The following SND1 variants were observed in gnomAD, a reference collection of about 807,000 sequenced individuals.
SND1 encodes staphylococcal nuclease domain-containing protein 1.
Under a neutral mutation model 121.7 loss-of-function variants are expected in SND1, and 38 were observed. The ratio of observed to expected loss-of-function variants is 0.31; its 90% confidence interval spans 0.24 to 0.41. The LOEUF is 0.41. SND1 is among the 10% of genes least tolerant of loss of function. The pLI is 1.00. For missense variants in SND1, 868 were observed against 1,184.6 expected, an observed-to-expected ratio of 0.73 and a Z score of 3.92; for synonymous variants, 401 against 447.4, an observed-to-expected ratio of 0.90 and a Z score of 1.31.
At chr7:127,656,763 G>A (rs1390880347) in intron 1 of SND1, among the ~76,000 whole-genome samples, 3 of 152,084 alleles carry the variant, frequency 2.0e-5, no homozygotes, top group Admixed American at 2.0e-4. Context: ...ATTGGGGGTG[G>A]GTTCCCCCAA....
chr7:127,681,562 G>A (rs1795728390), intron 1 of SND1, among the ~76,000 whole-genome samples: 1 of 152,126 alleles, frequency 6.6e-6, no homozygotes, highest in South Asian at 2.1e-4. Context: ...ATCACCTAAT[G>A]CAAGGCCATG....
At chr7:127,989,278 C>T (rs1160641692) in intron 15 of SND1, among the ~76,000 whole-genome samples, 6 of 152,222 alleles carry the variant, frequency 3.9e-5, no homozygotes, top group Non-Finnish European at 5.9e-5. Flanking sequence ...CTTGCTGTCA[C>T]CTCAAGCTGC....
At chr7:128,007,803 C>G (rs1167404759) in intron 16 of SND1, among the ~76,000 whole-genome samples, 2 of 152,110 alleles carry the variant, frequency 1.3e-5, no homozygotes, top group Non-Finnish European at 2.9e-5. Flanking sequence ...TGAGTATGAC[C>G]CATTCAGTTT....
At chr7:127,844,251 G>A in intron 11 of SND1, 73 bp from the exon 12 acceptor site, 1 of 1,142,748 alleles carries the variant, frequency 8.8e-7, no homozygotes, top group Non-Finnish European at 1.3e-6. Flanking sequence ...TCACAGTTGA[G>A]CAGGCACATG....
chr7:127,671,045 A>G (rs964668965), intron 1 of SND1, among the ~76,000 whole-genome samples: 19 of 152,220 alleles, frequency 1.2e-4, no homozygotes, highest in Admixed American at 7.8e-4. Flanking sequence ...TCCATGCAAC[A>G]TAATAATAGT....
At chr7:127,781,090 GA>G (rs1797711989) in intron 10 of SND1, among the ~76,000 whole-genome samples, 1 of 152,180 alleles carries the variant, frequency 6.6e-6, no homozygotes, top group Admixed American at 6.5e-5. Flanking sequence ...TCAATGTGAA[GA>G]AAATAACTTT....
intron 15 of SND1, among the ~76,000 whole-genome samples, chr7:127,959,731 C>G (rs1801683440): frequency 6.6e-6 from 1 of 152,172 alleles, no homozygotes; most frequent in African/African-American, 2.4e-5. Context: ...TTGTCTGTCT[C>G]TCTCCACCAG....
intron 12 of SND1, among the ~76,000 whole-genome samples, chr7:127,852,722 A>AATC (rs1799192842): frequency 6.6e-6 from 1 of 151,912 alleles, no homozygotes; most frequent in Admixed American, 6.5e-5. Flanking sequence ...GAGGTGGTAT[A>AATC]ATCACTCAAA....
In SND1 at chr7:128,012,084, T is replaced by TA. The variant is rs2116949504; in HGVS notation, c.1779+21029dup. On this transcript the variant is annotated intron_variant, in intron 16 of 23. Coordinates refer to ENST00000354725, the MANE Select transcript of SND1 (RefSeq NM_014390.4). The stretch of plus-strand genomic sequence containing the variant: ...AGAACTAAGATTGAGAACCACTAGT[T>TA]AGTTTAGGGGATTAAATTTGGATCA... Among the ~76,000 whole-genome samples, 2 of 152,330 alleles carry TA rather than the reference T, an allele frequency of 1.3e-5. 1 individual carries two copies. Among genetic ancestry groups the TA allele is most frequent in the South Asian group, 4.1e-4 (2 of 4,828 alleles).
At chr7:127,910,184 A>C (rs1489372290) in intron 14 of SND1, among the ~76,000 whole-genome samples, 3 of 152,218 alleles carry the variant, frequency 2.0e-5, no homozygotes, top group African/African-American at 7.2e-5. Flanking sequence ...TCACGCCTGT[A>C]ATCCCAGCAC....
chr7:127,717,625 C>A (rs1474704175), intron 9 of SND1, among the ~76,000 whole-genome samples: 7 of 152,154 alleles, frequency 4.6e-5, no homozygotes, highest in Non-Finnish European at 1.0e-4. Flanking sequence ...GTGGGAAAAA[C>A]AGCCAGATGT....
chr7:127,923,255 C>A (rs557132911), intron 14 of SND1, among the ~76,000 whole-genome samples: 2 of 152,222 alleles, frequency 1.3e-5, no homozygotes, highest in Non-Finnish European at 2.9e-5. Context: ...CATGCGCCAC[C>A]CTGCCCAATT....
intron 16 of SND1, among the ~76,000 whole-genome samples, chr7:128,036,912 G>C (rs1241009905): frequency 6.6e-6 from 1 of 152,190 alleles, no homozygotes; most frequent in Non-Finnish European, 1.5e-5. Context: ...AGTAATAATG[G>C]TTTTAATAGC....
At chr7:127,960,411 A>T (rs1584696807) in intron 15 of SND1, among the ~76,000 whole-genome samples, 1 of 152,208 alleles carries the variant, frequency 6.6e-6, no homozygotes, top group Admixed American at 6.5e-5. Flanking sequence ...AAACGTACAC[A>T]TTAGAAAACA....
chr7:127,936,734 C>G (rs1048826021), intron 15 of SND1, among the ~76,000 whole-genome samples: 2 of 151,970 alleles, frequency 1.3e-5, no homozygotes, highest in Admixed American at 1.3e-4. Context: ...TTTGTAGAGA[C>G]AGGGTCTCAA....
chr7:128,005,211 G>A (rs909919399), intron 16 of SND1, among the ~76,000 whole-genome samples: 4 of 152,202 alleles, frequency 2.6e-5, no homozygotes, highest in African/African-American at 9.7e-5. Flanking sequence ...TGTATCAAGC[G>A]AAGTAGCCCT....
intron 12 of SND1, among the ~76,000 whole-genome samples, chr7:127,852,454 C>T (rs867624333): frequency 7.4e-5 from 11 of 147,826 alleles, no homozygotes; most frequent in South Asian, 2.1e-4. Flanking sequence ...CACCACTGTA[C>T]TCCATCCAGC....
At chr7:128,001,042 CG>C (rs1418889191) in intron 16 of SND1, among the ~76,000 whole-genome samples, 1 of 152,176 alleles carries the variant, frequency 6.6e-6, no homozygotes, top group African/African-American at 2.4e-5. Context: ...AGAGAACCTC[CG>C]TGTTCCAAAC....
At chr7:127,926,090 A>G (rs1484740873) in intron 14 of SND1, among the ~76,000 whole-genome samples, 1 of 152,150 alleles carries the variant, frequency 6.6e-6, no homozygotes, top group Non-Finnish European at 1.5e-5. Context: ...AATAATTTCC[A>G]TAACTAAATT....
Sources: allele counts gnomAD v4.1 joint callset (sites outside exome capture counted in the v4.1 genomes callset), GRCh38; gene constraint gnomAD v4.1.1; transcripts MANE v1.5; gene names NCBI Gene and HGNC (gene_info 2026-07-23, HGNC 2026-07-21).